ENOX2: variants seen among roughly 807,000 people sequenced by gnomAD.
The protein encoded by ENOX2 is APK1 antigen.
In ENOX2, 36 loss-of-function variants were observed where a neutral mutation model predicts 45.0. The observed-to-expected ratio is 0.80, with a 90% CI of 0.61 to 1.06. ENOX2 has a LOEUF of 1.06. ENOX2 is among the 50% of genes least tolerant of loss of function. The pLI, the probability that ENOX2 is intolerant of heterozygous loss-of-function variation, is 0.00. For missense variants in ENOX2, 423 were observed against 462.5 expected (o/e 0.91, Z 0.78); for synonymous variants, 174 against 152.3 (o/e 1.14, Z -1.05).
At chrX:130,688,590 T>A (rs1285591507) in intron 5 of ENOX2, among the ~76,000 whole-genome samples, 4 of 112,213 alleles carry the variant, frequency 3.6e-5, no homozygotes, top group Non-Finnish European at 7.5e-5. Context: ...GAGCAATCTG[T>A]ATGCTTCCTT....
Position 130,852,405 on chromosome X carries a change from A to C in ENOX2, c.-183+49279T>G, listed in dbSNP as rs1266813844. Among the ~76,000 whole-genome samples, 13 of 112,256 alleles carry C rather than the reference A, an allele frequency of 1.2e-4. No individual in the cohort carries two copies. In the Admixed American group the frequency reaches 1.2e-3, roughly 11 times the overall value. On this transcript the variant is annotated intron_variant, in intron 2 of 14. Coordinates refer to ENST00000394363, the MANE Select transcript of ENOX2 (RefSeq NM_006375.4). ...ACTTATAGAGCTCTGACACTTTCCA[A>C]GGAGAGAGACAGTGAACAAATCCAT...
At chrX:130,848,854 A>G (rs2078158438) in intron 2 of ENOX2, among the ~76,000 whole-genome samples, 1 of 112,126 alleles carries the variant, frequency 8.9e-6, no homozygotes, top group South Asian at 3.7e-4. Flanking sequence ...GCAATCCTAA[A>G]TGATCTCTCC....
chrX:130,736,511 A>T (rs2038865276), intron 3 of ENOX2, among the ~76,000 whole-genome samples: 1 of 112,489 alleles, frequency 8.9e-6, no homozygotes, highest in Non-Finnish European at 1.9e-5. Flanking sequence ...GGCTATACTA[A>T]GTAAGTATTT....
At chrX:130,639,634 G>A (rs988167509) in intron 10 of ENOX2, among the ~76,000 whole-genome samples, 4 of 111,628 alleles carry the variant, frequency 3.6e-5, no homozygotes, top group Non-Finnish European at 5.6e-5. Flanking sequence ...GGAATTATCA[G>A]ACTGGGATTT....
At chrX:130,636,836 AT>A (rs1384323324) in intron 11 of ENOX2, among the ~76,000 whole-genome samples, 1 of 111,847 alleles carries the variant, frequency 8.9e-6, no homozygotes, top group Non-Finnish European at 1.9e-5. Flanking sequence ...AAAAGGCTGT[AT>A]TTCTTGGTAT....
intron 3 of ENOX2, among the ~76,000 whole-genome samples, chrX:130,728,030 T>C (rs1203610129): frequency 1.8e-5 from 2 of 111,474 alleles, no homozygotes; most frequent in African/African-American, 6.5e-5. Flanking sequence ...TGGCACAATG[T>C]TAAGCTTTGT....
In ENOX2 at chrX:130,635,000, T is replaced by C. The variant is rs149674492; in HGVS notation, c.1403A>G (p.Glu468Gly). 3.9e-4 allele frequency: 452 copies of C among 1,164,093 alleles called. 2 individuals are homozygous for C. In the African/African-American group the frequency reaches 6.7e-3, roughly 17 times the overall value. The change falls in exon 12 of 15, where the codon GAA becomes GGA. Residue 468 changes from glutamate to glycine, a missense_variant. Glu to Gly is a moderately conservative substitution (Grantham distance 98, BLOSUM62 -2). Around this residue, in one of 5 missense-constraint regions of ENOX2, gnomAD observed 108 missense variants for 70.6 expected, o/e 1.53. Coordinates refer to ENST00000394363, the MANE Select transcript of ENOX2 (RefSeq NM_006375.4). ...DDKLQVEKML[E>G]NLKEKESCAS... is the part of the protein sequence containing the mutation. ...TGCATGTACCTTTTCTTTAAGATTT[T>C]CCAACATTTTTTCCACCTGTAACTT...
Position 130,679,712 on chromosome X carries a change from C to T in ENOX2, c.290G>A (p.Gly97Glu), listed in dbSNP as rs770577864. The change falls in exon 6 of 15, where the codon GGA becomes GAA. Residue 97 changes from glycine (G) to glutamate (E), a missense_variant. Gly to Glu is a moderately conservative substitution (Grantham distance 98). Transcript: ENST00000394363. ...PPPATRERPP[G>E]CKTVFVGGLP... ...ACCACCCACAAATACTGTTTTGCAT[C>T]CTGGTGGTCTTTCTCGGGTTGCAGG... 1.7e-6 allele frequency: 2 copies of T among 1,211,380 alleles called. No individual in the cohort carries two copies. Among genetic ancestry groups the T allele is most frequent in the South Asian group, 3.5e-5 (2 of 56,937 alleles).
In ENOX2 at chrX:130,667,623, G is replaced by A. The variant is rs1208965638; in HGVS notation, c.814C>T (p.Arg272Cys). The A allele has an allele frequency of 4.1e-6, 5 of 1,209,278 alleles. No homozygotes were observed. The highest frequency in any genetic ancestry group is 1.7e-5 in the African/African-American group (1 of 57,165). Residue 272 changes from arginine (R) to cysteine (C), a missense_variant, in exon 8 of 15, where the codon CGC (arginine) becomes TGC (cysteine). Physicochemically the swap from Arg to Cys is radical, Grantham distance 180. Transcript: ENST00000394363. The stretch of plus-strand genomic sequence containing the variant: ...GCAGCTTTCTCGTTCACCAGGCGGC[G>A]GACATGGCTGTTGGCCGACTGGATC... ...SMIQSANSHVRRLVNEKAAHE... is the reference protein window; with the variant it reads ...SMIQSANSHVCRLVNEKAAHE...
At chrX:130,782,838 T>C (rs2076916155) in intron 3 of ENOX2, among the ~76,000 whole-genome samples, 1 of 109,384 alleles carries the variant, frequency 9.1e-6, no homozygotes. Context: ...CTCACTCCTT[T>C]TGGAAAAAAA....
In ENOX2 at chrX:130,625,447, T is replaced by C; in HGVS notation, c.1615-2A>G. 1 of 1,203,178 alleles carries C rather than the reference T, an allele frequency of 8.3e-7. No individual in the cohort carries two copies. Among genetic ancestry groups the C allele is most frequent in the African/African-American group, 1.7e-5 (1 of 57,486 alleles). On this transcript the variant is annotated splice_acceptor_variant, in intron 14 of 14. Coordinates refer to ENST00000394363, the MANE Select transcript of ENOX2 (RefSeq NM_006375.4). LOFTEE classifies it high-confidence loss of function. ...ACACTCCACATCGCTGGTGCAGATCTGTGGGACAGAGAGAACATCTCCATT... is the reference window on the plus strand; with the variant it reads ...ACACTCCACATCGCTGGTGCAGATCCGTGGGACAGAGAGAACATCTCCATT...
At chrX:130,810,074 C>T (rs1375313173) in intron 2 of ENOX2, among the ~76,000 whole-genome samples, 3 of 110,662 alleles carry the variant, frequency 2.7e-5, no homozygotes, top group Non-Finnish European at 5.7e-5. Flanking sequence ...ATACTACCCA[C>T]GTCAATCCCT....
At chrX:130,635,279 G>A (rs1281125947) in intron 11 of ENOX2, among the ~76,000 whole-genome samples, 188 bp from the exon 12 acceptor site, 1 of 112,055 alleles carries the variant, frequency 8.9e-6, no homozygotes, top group Non-Finnish European at 1.9e-5. Context: ...TGCCTCTTAC[G>A]AAATTCCTTT....
intron 12 of ENOX2, among the ~76,000 whole-genome samples, chrX:130,633,499 T>C (rs2035842396): frequency 8.9e-6 from 1 of 112,765 alleles, no homozygotes; most frequent in Non-Finnish European, 1.9e-5. Context: ...GGATTATCAG[T>C]TGGATCTTTT....
chrX:130,897,294 G>A (rs372961572), intron 2 of ENOX2, among the ~76,000 whole-genome samples: 1 of 112,024 alleles, frequency 8.9e-6, no homozygotes, highest in African/African-American at 3.2e-5. Flanking sequence ...TGTGAACCAC[G>A]ACAGGGTGAG....
chrX:130,776,231 A>C (rs2039853117), intron 3 of ENOX2, among the ~76,000 whole-genome samples: 2 of 111,728 alleles, frequency 1.8e-5, no homozygotes, highest in Admixed American at 1.9e-4. Flanking sequence ...TTCCAGACAA[A>C]TCTTTGCCCA....
intron 3 of ENOX2, among the ~76,000 whole-genome samples, chrX:130,774,572 G>T (rs2039810002): frequency 8.9e-6 from 1 of 112,147 alleles, no homozygotes; most frequent in African/African-American, 3.2e-5. Flanking sequence ...TTAGCTATTA[G>T]TAGTAGTAGT....
At chrX:130,643,778 C>T (rs918451501) in intron 10 of ENOX2, among the ~76,000 whole-genome samples, 1 of 111,912 alleles carries the variant, frequency 8.9e-6, no homozygotes, top group Non-Finnish European at 1.9e-5. Flanking sequence ...ATGGACAGAT[C>T]CAGCAAACAG....
chrX:130,727,216 GTATTACTAA>G (rs1298924695), intron 3 of ENOX2, among the ~76,000 whole-genome samples: 1 of 111,997 alleles, frequency 8.9e-6, no homozygotes, highest in African/African-American at 3.2e-5. Context: ...TATGAGACAG[GTATTACTAA>G]TATTCTTATT....
Sources: gnomAD v4.1 joint callset for allele counts (sites outside exome capture counted in the v4.1 genomes callset) on GRCh38, gnomAD v4.1.1 for gene constraint, gnomAD v4.1.1 regional missense constraint, MANE v1.5 for transcripts, NCBI Gene and HGNC (gene_info 2026-07-23, HGNC 2026-07-21) for gene names.